DDX19A: variants seen among roughly 807,000 people sequenced by gnomAD.
DDX19A encodes the protein DEAD-box helicase 19A, also known as ATP-dependent RNA helicase DDX19A.
In DDX19A, 12 loss-of-function variants were observed where a neutral mutation model predicts 60.6. That is an observed-to-expected ratio of 0.20 (90% CI 0.13 to 0.32). The LOEUF is 0.32. Among genes scored for constraint, DDX19A ranks in the 10% least tolerant of loss-of-function variants. The probability of loss-of-function intolerance (pLI) is 1.00; values close to 1 mark genes in which losing one functional copy is unlikely to be tolerated. For missense variants in DDX19A, 337 were observed against 600.6 expected, an observed-to-expected ratio of 0.56 and a Z score of 4.59; for synonymous variants, 206 against 218.2, an observed-to-expected ratio of 0.94 and a Z score of 0.49.
intron 7 of DDX19A, 40 bp from the exon 8 acceptor site, chr16:70,366,045 G>C (rs760158581): frequency 2.5e-5 from 41 of 1,613,898 alleles, no homozygotes; most frequent in Non-Finnish European, 3.1e-5. Flanking sequence ...AGCTGGCTTT[G>C]CCTTTGAAAT....
rs556697333 is a variant in DDX19A at position 70,355,478 on chromosome 16, T to C, written c.107-7T>C. On this transcript the variant is annotated splice_region_variant and splice_polypyrimidine_tract_variant and intron_variant, in intron 2 of 11. Coordinates refer to ENST00000302243, the MANE Select transcript of DDX19A (RefSeq NM_018332.5). The stretch of plus-strand genomic sequence containing the variant: ...TTTCTAATTATGACAATTGTTTTCT[T>C]GTGTAGGTATTATCAAAACCAGTAC... The C allele has an allele frequency of 1.2e-6, 2 of 1,611,070 alleles. No individual in the cohort carries two copies. Among genetic ancestry groups the C allele is most frequent in the East Asian group, 2.2e-5 (1 of 44,872 alleles).
At position 70,348,651 on chromosome 16, in the gene DDX19A, A is replaced by AGT. The variant is rs1555551555; in HGVS notation, c.57+1604_57+1605insTG. On this transcript the variant is annotated intron_variant, in intron 1 of 11. Coordinates refer to ENST00000302243, the MANE Select transcript of DDX19A (RefSeq NM_018332.5). ...CAAAAAAAAAAAAAAAAAAAAAAAG[A>AGT]GGTGAAGGCTGGGCACAGTGGCTCA... Among the ~76,000 whole-genome samples the AGT allele has an allele frequency of 4.0e-3, 572 of 141,340 alleles. 9 individuals are homozygous for AGT. Among genetic ancestry groups the AGT allele is most frequent in the African/African-American group, 0.014 (518 of 37,758 alleles). The allele number at this position is 141,340 out of a possible 152,430, so 92.7% of individuals were successfully genotyped here.
intron 4 of DDX19A, among the ~76,000 whole-genome samples, chr16:70,360,321 C>CTTTTT (rs1555552998): frequency 7.5e-6 from 1 of 133,490 alleles, no homozygotes. Context: ...TTCTTTCTTT[C>CTTTTT]TTTTTTTTTT....
At position 70,346,960 on chromosome 16, in the gene DDX19A, T is replaced by C. The variant is rs746579803; in HGVS notation, c.-32T>C. On this transcript the variant is annotated 5_prime_UTR_variant, in exon 1 of 12. Coordinates refer to ENST00000302243, the MANE Select transcript of DDX19A (RefSeq NM_018332.5). Reference sequence around the variant, plus strand: ...GCGTTGCGACGTGGTGCAGCGCATATTTTCACAAGTGGGTCTCCCTTGTCC... The same window carrying C: ...GCGTTGCGACGTGGTGCAGCGCATACTTTCACAAGTGGGTCTCCCTTGTCC... 7.5e-6 allele frequency: 12 copies of C among 1,605,668 alleles called. No homozygotes were observed. The Admixed American group carries it at 1.9e-4, about 25-fold the overall frequency.
intron 11 of DDX19A, 132 bp downstream of exon 11, chr16:70,371,695 G>A (rs1005586901): frequency 1.0e-6 from 1 of 973,350 alleles, no homozygotes; most frequent in Admixed American, 2.9e-5. Context: ...TGACCATATG[G>A]CAGTTCTCAG....
chr16:70,369,267 C>T (rs957559069), intron 9 of DDX19A, among the ~76,000 whole-genome samples: 1 of 149,164 alleles, frequency 6.7e-6, no homozygotes, highest in African/African-American at 2.5e-5. Context: ...GCAGCCTCTG[C>T]CTCCCGGGTT....
At position 70,346,959 on chromosome 16, in the gene DDX19A, A is replaced by G. The variant is rs777172647; in HGVS notation, c.-33A>G. 43 of 1,605,190 alleles carry G rather than the reference A, an allele frequency of 2.7e-5. No individual in the cohort carries two copies. Among genetic ancestry groups the G allele is most frequent in the Non-Finnish European group, 3.7e-5 (43 of 1,176,558 alleles). ...CGCGTTGCGACGTGGTGCAGCGCAT[A>G]TTTTCACAAGTGGGTCTCCCTTGTC... On this transcript the variant is annotated 5_prime_UTR_variant, in exon 1 of 12. In the 5' UTR this introduces an upstream ATG that the reference lacks. Coordinates refer to ENST00000302243, the MANE Select transcript of DDX19A (RefSeq NM_018332.5).
chr16:70,354,198 T>G (rs374833065), intron 2 of DDX19A, among the ~76,000 whole-genome samples: 5 of 151,848 alleles, frequency 3.3e-5, no homozygotes, highest in East Asian at 1.9e-4. Context: ...CAGGCTGGAG[T>G]GCAATGGCGT....
At chr16:70,370,495 G>A (rs1964652251) in intron 10 of DDX19A, 110 bp downstream of exon 10, 1 of 1,444,314 alleles carries the variant, frequency 6.9e-7, no homozygotes, top group Admixed American at 2.6e-5. Context: ...GGAGATGGGT[G>A]GGGTTGGTGA....
At chr16:70,369,930 A>C (rs1360519385) in intron 9 of DDX19A, among the ~76,000 whole-genome samples, 1 of 152,134 alleles carries the variant, frequency 6.6e-6, no homozygotes. Context: ...TATTTTCGTA[A>C]GATTACAAGC....
At position 70,365,092 on chromosome 16, in the gene DDX19A, C is replaced by G. The variant is rs1486916885; in HGVS notation, c.565C>G (p.Pro189Ala). Residue 189 changes from proline (P) to alanine (A), a missense_variant, in exon 7 of 12, where the codon CCA (proline) becomes GCA (alanine). Physicochemically the swap from Pro to Ala is conservative, Grantham distance 27 (BLOSUM62 -1). This residue lies in a region of DDX19A where 62 missense variants were observed against 75.7 expected (regional missense o/e 0.82). Coordinates refer to ENST00000302243, the MANE Select transcript of DDX19A (RefSeq NM_018332.5). ...GATTGAGCAGATGGGCAAATTTTACCCAGAACTGAAGCTTGCCTATGCCGT... is the reference window on the plus strand; with the variant it reads ...GATTGAGCAGATGGGCAAATTTTACGCAGAACTGAAGCTTGCCTATGCCGT... ...KVIEQMGKFY[P>A]ELKLAYAVRG... is the part of the protein sequence containing the mutation. 1 of 1,613,964 alleles carries G rather than the reference C, an allele frequency of 6.2e-7. No individual in the cohort carries two copies. Among genetic ancestry groups the G allele is most frequent in the Non-Finnish European group, 8.5e-7 (1 of 1,179,992 alleles).
In DDX19A at chr16:70,350,848, A is replaced by ATTAATTAT. The variant is rs1963989241; in HGVS notation, c.106+246_106+247insATTATTTA. On this transcript the variant is annotated intron_variant, in intron 2 of 11. Transcript: ENST00000302243. Reference sequence around the variant, plus strand: ...TGTTCATTTGATAATATTTTGGCAAATTATTTATTTATTTATTTATTTATT... The same window carrying ATTAATTAT: ...TGTTCATTTGATAATATTTTGGCAAATTAATTATTTATTTATTTATTTATTTATTTATT... Among the ~76,000 whole-genome samples, 3 of 144,078 alleles carry ATTAATTAT rather than the reference A, an allele frequency of 2.1e-5. No homozygotes were observed. The South Asian group carries it at 6.6e-4, about 32-fold the overall frequency. The allele number at this position is 144,078 out of a possible 152,430, so 94.5% of individuals were successfully genotyped here.
chr16:70,356,076 G>A lies in DDX19A; in HGVS notation c.158-36G>A, dbSNP rs1220074829. On this transcript the variant is annotated intron_variant, in intron 3 of 11. Coordinates refer to ENST00000302243, the MANE Select transcript of DDX19A (RefSeq NM_018332.5). Reference sequence around the variant, plus strand: ...GGCTTCATAAGCCTGGGGTTTGCCAGATGAGTATGAAGATCTACTGGTTTC... The same window carrying A: ...GGCTTCATAAGCCTGGGGTTTGCCAAATGAGTATGAAGATCTACTGGTTTC... 3 of 1,611,554 alleles carry A rather than the reference G, an allele frequency of 1.9e-6. No homozygotes were observed. The Admixed American group carries it at 5.0e-5, about 27-fold the overall frequency.
chr16:70,352,786 G>A (rs543330568), intron 2 of DDX19A, among the ~76,000 whole-genome samples: 1 of 152,056 alleles, frequency 6.6e-6, no homozygotes, highest in East Asian at 1.9e-4. Context: ...ATAGGCATGT[G>A]CCACCACGCC....
In DDX19A at chr16:70,365,171, G is replaced by T. The variant is rs541782346; in HGVS notation, c.604+40G>T. ...CGACAACTGAACAGTGAGCAGGGTA[G>T]GGGGTTGGGCGTTTGAATTTTGAAG... On this transcript the variant is annotated intron_variant, in intron 7 of 11. Coordinates refer to ENST00000302243, the MANE Select transcript of DDX19A (RefSeq NM_018332.5). 12 of 1,423,512 alleles carry T rather than the reference G, an allele frequency of 8.4e-6. No homozygotes were observed. The African/African-American group carries it at 1.3e-4, about 15-fold the overall frequency. The allele number at this position is 1,423,512 out of a possible 1,614,324, so 88.2% of individuals were successfully genotyped here.
chr16:70,356,624 C>T (rs1352810677), intron 4 of DDX19A, among the ~76,000 whole-genome samples: 2 of 151,972 alleles, frequency 1.3e-5, no homozygotes, highest in African/African-American at 2.4e-5. Context: ...TCTCAAGGTG[C>T]TGGGATTACA....
intron 2 of DDX19A, among the ~76,000 whole-genome samples, chr16:70,354,516 A>G (rs1268101996): frequency 1.3e-5 from 2 of 152,230 alleles, no homozygotes; most frequent in East Asian, 1.9e-4. Context: ...TTAATAGTCA[A>G]ACTTTTAGAA....
Position 70,350,723 on chromosome 16 carries a change from A to T in DDX19A, c.106+118A>T, listed in dbSNP as rs56037787. ...TGTAAACTTCAGCTGTTTACAAGCC[A>T]GTGAATTAGATTTTGTTACTGAAGG... On this transcript the variant is annotated intron_variant, in intron 2 of 11. Transcript: ENST00000302243. 2,696 of 721,678 alleles carry T rather than the reference A, an allele frequency of 3.7e-3. 57 individuals carry two copies. The African/African-American group carries it at 0.044, about 12-fold the overall frequency. The allele number at this position is 721,678 out of a possible 1,614,324, so 44.7% of individuals were successfully genotyped here.
chr16:70,359,300 T>C (rs1430697467), intron 4 of DDX19A, among the ~76,000 whole-genome samples: 2 of 152,198 alleles, frequency 1.3e-5, no homozygotes, highest in Admixed American at 6.6e-5. Context: ...TGTCACAGCA[T>C]TTTCTCCCAA....
Sources: allele counts gnomAD v4.1 joint callset (sites outside exome capture counted in the v4.1 genomes callset), GRCh38; gene constraint gnomAD v4.1.1; regional missense constraint gnomAD v4.1.1; transcripts MANE v1.5; gene names NCBI Gene and HGNC (gene_info 2026-07-23, HGNC 2026-07-21).